The following DYNC2H1 variants were observed in gnomAD, a reference collection of about 807,000 sequenced individuals.
DYNC2H1 encodes cytoplasmic dynein 2 heavy chain 1.
Under a neutral mutation model 570.0 loss-of-function variants are expected in DYNC2H1, and 410 were observed. That is an observed-to-expected ratio of 0.72 (90% CI 0.66 to 0.78). The LOEUF (loss-of-function observed/expected upper bound fraction) is 0.78, where lower values mean the gene tolerates loss of function less well. Ranked by LOEUF, DYNC2H1 falls within the 30% of genes least tolerant of loss-of-function variation. DYNC2H1 has a pLI of 0.00. For synonymous variants in DYNC2H1, 1,688 were observed against 1,677.6 expected, an observed-to-expected ratio of 1.01 and a Z score of -0.15; for missense variants, 4,865 against 5,046.4, an observed-to-expected ratio of 0.96 and a Z score of 1.09.
chr11:103,302,167 A>G (rs1867074496), intron 75 of DYNC2H1, among the ~76,000 whole-genome samples: 1 of 152,068 alleles, frequency 6.6e-6, no homozygotes, highest in South Asian at 2.1e-4. Flanking sequence ...AAAATCACAG[A>G]TGAATTGTTT....
In DYNC2H1 at chr11:103,286,159, C is replaced by G. The variant is rs186720901; in HGVS notation, c.10891-96C>G. ...AAAGTAGAAGAGTAATAAACATCAA[C>G]CAATAATTGGTTCTCACTTTTAGTT... On this transcript the variant is annotated intron_variant, in intron 73 of 88. Coordinates refer to ENST00000375735, the MANE Select transcript of DYNC2H1 (RefSeq NM_001377.3). The G allele has an allele frequency of 7.2e-4, 1,064 of 1,470,940 alleles. 10 individuals carry two copies. The African/African-American group carries it at 0.014, about 19-fold the overall frequency. 91.1% of individuals were successfully genotyped at this position (1,470,940 alleles called of 1,614,324 possible). A position where few individuals can be genotyped will look rare whatever the true frequency, so the allele number is the denominator to read the frequency against.
At position 103,145,028 on chromosome 11, in the gene DYNC2H1, G is replaced by A. The variant is rs991950221; in HGVS notation, c.2702+1633G>A. 2.1e-4 allele frequency among the ~76,000 whole-genome samples: 32 copies of A among 151,972 alleles called. No homozygotes were observed. The highest frequency in any genetic ancestry group is 1.6e-3 in the Admixed American group (24 of 15,250). ...CCTGAGTAGCTGGGACTACAGGCAC[G>A]TGCCACCACGCCTGGCTAATTTTTT... is the stretch of plus-strand genomic sequence containing the variant. On this transcript the variant is annotated intron_variant, in intron 18 of 88. Coordinates refer to ENST00000375735, the MANE Select transcript of DYNC2H1 (RefSeq NM_001377.3). The surrounding 1 kb of genome is among the most constrained non-coding windows in gnomAD (Gnocchi z 4.2).
intron 82 of DYNC2H1, among the ~76,000 whole-genome samples, chr11:103,331,464 G>A (rs1240801329): frequency 6.6e-6 from 1 of 152,142 alleles, no homozygotes; most frequent in East Asian, 1.9e-4. Context: ...GTTATCTTCA[G>A]AGGAATTTGA....
rs1346784062 is a variant in DYNC2H1, at chr11:103,154,757, A to G, written c.3521A>G (p.Glu1174Gly). The G allele has an allele frequency of 6.4e-7, 1 of 1,569,294 alleles. No individual in the cohort carries two copies. The highest frequency in any genetic ancestry group is 8.6e-7 in the Non-Finnish European group (1 of 1,156,446). Residue 1174 changes from glutamate (E) to glycine (G), a missense_variant, in exon 24 of 89, where the codon GAA becomes GGA. This residue lies in a region of DYNC2H1 where 1,936 missense variants were observed against 1,962.1 expected (regional missense o/e 0.99). Transcript: ENST00000375735. ...MNWHDRLRKV[E>G]EHSVMTVKLQ... is the part of the protein sequence containing the mutation. Reference sequence around the variant, plus strand: ...TGGCATGACAGATTAAGGAAGGTTGAAGAACATTCAGTGATGACAGTGAAA... The same window carrying G: ...TGGCATGACAGATTAAGGAAGGTTGGAGAACATTCAGTGATGACAGTGAAA...
intron 10 of DYNC2H1, 105 bp from the exon 11 acceptor site, chr11:103,122,720 G>A: frequency 2.1e-6 from 2 of 965,204 alleles, no homozygotes; most frequent in South Asian, 1.9e-5. Context: ...ATAGATGAAA[G>A]GTAAAATAAT....
intron 78 of DYNC2H1, among the ~76,000 whole-genome samples, chr11:103,310,091 G>A (rs1325744962): frequency 6.6e-6 from 1 of 151,876 alleles, no homozygotes; most frequent in East Asian, 1.9e-4. Context: ...TTTTAAAATT[G>A]TTAAATTCAC....
intron 47 of DYNC2H1, among the ~76,000 whole-genome samples, chr11:103,196,686 C>T (rs1450541313): frequency 6.6e-6 from 1 of 151,992 alleles, no homozygotes; most frequent in African/African-American, 2.4e-5. Flanking sequence ...AGGGATAAAG[C>T]AGAAAACTGA....
chr11:103,317,110 TA>T (rs1180189360), intron 80 of DYNC2H1, among the ~76,000 whole-genome samples: 8 of 152,096 alleles, frequency 5.3e-5, no homozygotes, highest in African/African-American at 1.9e-4. Flanking sequence ...GTCTAATCTC[TA>T]AAGTTTATTG....
chr11:103,241,426 G>T lies in DYNC2H1; in HGVS notation c.9820-2267G>T. ...TCTGTCTGGAGACGTAAAATAAGATGACAACAAACTTTTAAGTACCCTTTG... is the reference window on the plus strand; with the variant it reads ...TCTGTCTGGAGACGTAAAATAAGATTACAACAAACTTTTAAGTACCCTTTG... On this transcript the variant is annotated intron_variant, in intron 63 of 88. Coordinates refer to ENST00000375735, the MANE Select transcript of DYNC2H1 (RefSeq NM_001377.3). The surrounding 1 kb of genome is among the most constrained non-coding windows in gnomAD (Gnocchi z 5.1). The T allele has an allele frequency of 9.9e-7, 1 of 1,014,142 alleles. No homozygotes were observed. The highest frequency in any genetic ancestry group is 1.5e-5 in the South Asian group (1 of 68,896). 62.8% of individuals were successfully genotyped at this position (1,014,142 alleles called of 1,614,324 possible).
At chr11:103,379,968 A>T (rs1432109374) in intron 83 of DYNC2H1, among the ~76,000 whole-genome samples, 1 of 152,248 alleles carries the variant, frequency 6.6e-6, no homozygotes. Flanking sequence ...TTTGGGGAGA[A>T]TTTTAAAGTG....
chr11:103,192,318 T>C, intron 47 of DYNC2H1, 54 bp downstream of exon 47: 2 of 1,332,412 alleles, frequency 1.5e-6, no homozygotes, highest in Non-Finnish European at 2.0e-6. Flanking sequence ...TTTCAGAAAT[T>C]TTTTCTTACC....
Position 103,171,037 on chromosome 11 carries a change from A to T in DYNC2H1, c.5303A>T (p.His1768Leu). 6.2e-7 allele frequency: 1 copy of T among 1,610,802 alleles called. No homozygotes were observed. The highest frequency in any genetic ancestry group is 8.5e-7 in the Non-Finnish European group (1 of 1,177,854). Residue 1768 changes from histidine (H) to leucine (L), a missense_variant, in exon 34 of 89, where the codon CAT (histidine) becomes CTT (leucine). By Grantham distance (99) the His-to-Leu change is moderately conservative (BLOSUM62 -3). Coordinates refer to ENST00000375735, the MANE Select transcript of DYNC2H1 (RefSeq NM_001377.3). ...ACAATTCAAGATGCTTTGAAGAATC[A>T]TAGAACTGTATGTGAACTGCTTGGC... is the stretch of plus-strand genomic sequence containing the variant. ...IQTIQDALKN[H>L]RTVCELLGKE... is the part of the protein sequence containing the mutation.
At chr11:103,459,675 G>A (rs958814373) in intron 87 of DYNC2H1, among the ~76,000 whole-genome samples, 2 of 152,004 alleles carry the variant, frequency 1.3e-5, no homozygotes, top group East Asian at 3.9e-4. Flanking sequence ...AGGAGTGGCC[G>A]GGCGCGGTGG....
chr11:103,459,771 T>C (rs1056305221), intron 87 of DYNC2H1, among the ~76,000 whole-genome samples: 4 of 150,816 alleles, frequency 2.7e-5, no homozygotes, highest in Admixed American at 6.6e-5. Flanking sequence ...GCTAACAAGG[T>C]GAAACCCCGT....
chr11:103,154,410 T>C, intron 22 of DYNC2H1, 41 bp from the exon 23 acceptor site: 1 of 1,480,710 alleles, frequency 6.8e-7, no homozygotes, highest in Non-Finnish European at 9.0e-7. Context: ...TATCAATATT[T>C]CTGTTTTTAA....
chr11:103,255,102 T>TA (rs1322899923), intron 66 of DYNC2H1, among the ~76,000 whole-genome samples: 6 of 152,076 alleles, frequency 3.9e-5, no homozygotes, highest in Non-Finnish European at 8.8e-5. Flanking sequence ...TACTTACTAT[T>TA]AAAAAAATAG....
chr11:103,283,122 T>A (rs753760310), intron 73 of DYNC2H1, 37 bp downstream of exon 73: 2 of 1,520,466 alleles, frequency 1.3e-6, no homozygotes, highest in Non-Finnish European at 9.0e-7. Context: ...TTTTAATTTC[T>A]TCTGTATTTG....
At chr11:103,113,780 AT>A (rs1206267273) in intron 2 of DYNC2H1, 73 bp downstream of exon 2, 1 of 1,169,760 alleles carries the variant, frequency 8.5e-7, no homozygotes, top group African/African-American at 1.6e-5. Flanking sequence ...ATAAATATCT[AT>A]TTTTTACTGT....
intron 88 of DYNC2H1, among the ~76,000 whole-genome samples, chr11:103,473,348 T>G (rs1409876862): frequency 3.3e-5 from 5 of 149,748 alleles, no homozygotes; most frequent in Non-Finnish European, 5.9e-5. Flanking sequence ...GTGCAGTGGC[T>G]CCATGATACA....
Sources: gnomAD v4.1 joint callset for allele counts (sites outside exome capture counted in the v4.1 genomes callset) on GRCh38, gnomAD v4.1.1 for gene constraint, gnomAD v4.1.1 regional missense constraint, Gnocchi (gnomAD v3.1) non-coding constraint, MANE v1.5 for transcripts, NCBI Gene and HGNC (gene_info 2026-07-23, HGNC 2026-07-21) for gene names.